The following PDE11A variants were observed in gnomAD, a reference collection of about 807,000 sequenced individuals.
PDE11A encodes the protein phosphodiesterase 11A.
Under a neutral mutation model 100.5 loss-of-function variants are expected in PDE11A, and 100 were observed. That is an observed-to-expected ratio of 1.00 (90% CI 0.85 to 1.18). The LOEUF (loss-of-function observed/expected upper bound fraction) is 1.18. Among genes scored for constraint, PDE11A ranks in the 50% most tolerant of loss-of-function variants. The pLI, the probability that PDE11A is intolerant of heterozygous loss-of-function variation, is 0.00. For missense variants in PDE11A, 1,141 were observed against 1,152.6 expected, an observed-to-expected ratio of 0.99 and a Z score of 0.15; for synonymous variants, 381 against 420.8, an observed-to-expected ratio of 0.91 and a Z score of 1.16.
In PDE11A at chr2:177,755,126, T is replaced by C. The variant is rs2082074438; in HGVS notation, c.1788+14197A>G. Among the ~76,000 whole-genome samples, 4 of 152,286 alleles carry C rather than the reference T, an allele frequency of 2.6e-5. No individual in the cohort carries two copies. In the South Asian group the frequency reaches 8.3e-4, roughly 32 times the overall value. ...TGAGATGACCTGATGGGCTAGTCAT[T>C]AGTGAGGAGTTCCTGGACCAATTTA... On this transcript the variant is annotated intron_variant, in intron 10 of 19. Coordinates refer to ENST00000286063, the MANE Select transcript of PDE11A (RefSeq NM_016953.4).
At chr2:178,062,426 G>A (rs988183570) in intron 1 of PDE11A, among the ~76,000 whole-genome samples, 2 of 151,948 alleles carry the variant, frequency 1.3e-5, no homozygotes, top group African/African-American at 4.8e-5. Flanking sequence ...GGAAGCAAAA[G>A]GAAAAAGAGG....
intron 10 of PDE11A, among the ~76,000 whole-genome samples, chr2:177,750,228 T>C (rs1386707384): frequency 1.3e-5 from 2 of 152,120 alleles, no homozygotes; most frequent in African/African-American, 4.8e-5. Flanking sequence ...GCAATATGAA[T>C]CTTTAGGAGC....
At chr2:178,029,687 T>C (rs1317206312) in intron 1 of PDE11A, among the ~76,000 whole-genome samples, 1 of 152,102 alleles carries the variant, frequency 6.6e-6, no homozygotes, top group Non-Finnish European at 1.5e-5. Flanking sequence ...GAAATATATA[T>C]TGAAGACAAT....
chr2:177,636,950 A>G (rs1184241074), intron 19 of PDE11A, among the ~76,000 whole-genome samples: 1 of 152,240 alleles, frequency 6.6e-6, no homozygotes, highest in Non-Finnish European at 1.5e-5. Context: ...AAAAGTAACT[A>G]GCTACAGTCT....
chr2:177,774,865 A>G (rs1488876172), intron 9 of PDE11A, among the ~76,000 whole-genome samples: 1 of 152,226 alleles, frequency 6.6e-6, no homozygotes, highest in African/African-American at 2.4e-5. Flanking sequence ...ATGATATGTC[A>G]CAAGGAGGAA....
chr2:178,072,225 G>C lies in PDE11A; in HGVS notation c.213C>G (p.Ser71Arg), dbSNP rs747338751. The change falls in exon 1 of 20, where the codon AGC becomes AGG. Residue 71 changes from serine to arginine, a missense_variant. Ser to Arg is a moderately radical substitution (Grantham distance 110). Coordinates refer to ENST00000286063, the MANE Select transcript of PDE11A (RefSeq NM_016953.4). ...CATTTGGTCCAGTGCCACCACCAAC[G>C]CTGCTGCCACCTCTGCAGGTGCTGT... ...LAHSTCRGGS[S>R]VGGGTGPNGS... 6.2e-6 allele frequency: 10 copies of C among 1,613,462 alleles called. No individual in the cohort carries two copies. Among genetic ancestry groups the C allele is most frequent in the Non-Finnish European group, 8.5e-6 (10 of 1,179,732 alleles).
intron 5 of PDE11A, among the ~76,000 whole-genome samples, chr2:177,846,994 GC>G (rs1402108107): frequency 6.6e-6 from 1 of 152,072 alleles, no homozygotes; most frequent in Non-Finnish European, 1.5e-5. Flanking sequence ...TTATCTGACA[GC>G]CCTCAAAATA....
intron 9 of PDE11A, among the ~76,000 whole-genome samples, chr2:177,791,581 C>T (rs2082633608): frequency 6.6e-6 from 1 of 150,838 alleles, no homozygotes; most frequent in Non-Finnish European, 1.5e-5. Context: ...CAAATGAGTC[C>T]AATGTATGAA....
chr2:177,912,717 G>T (rs2084900403), intron 2 of PDE11A, among the ~76,000 whole-genome samples: 1 of 151,882 alleles, frequency 6.6e-6, no homozygotes, highest in African/African-American at 2.4e-5. Context: ...CCATATTTCT[G>T]CCACTCAAGG....
chr2:177,699,131 T>G (rs1475495926), intron 14 of PDE11A, among the ~76,000 whole-genome samples: 1 of 152,194 alleles, frequency 6.6e-6, no homozygotes, highest in Admixed American at 6.5e-5. Context: ...ATCTCCTCAT[T>G]GTGTGAACAT....
At chr2:178,048,098 A>G (rs998649944) in intron 1 of PDE11A, among the ~76,000 whole-genome samples, 1 of 152,246 alleles carries the variant, frequency 6.6e-6, no homozygotes, top group Non-Finnish European at 1.5e-5. Flanking sequence ...AGCAGCTGGG[A>G]AGCAGTTTCA....
intron 2 of PDE11A, among the ~76,000 whole-genome samples, chr2:177,939,789 G>A (rs71423520): frequency 0.075 from 11,375 of 152,178 alleles, 428 homozygotes; most frequent in South Asian, 0.1. Context: ...GGCAAACCAG[G>A]ACAAGTTGGG....
intron 2 of PDE11A, among the ~76,000 whole-genome samples, chr2:178,003,913 T>A (rs940582280): frequency 3.3e-5 from 5 of 152,132 alleles, no homozygotes; most frequent in Admixed American, 6.6e-5. Context: ...AAGATGTCAA[T>A]ATTTGTAATT....
intron 2 of PDE11A, among the ~76,000 whole-genome samples, chr2:178,083,660 G>A (rs1289741386): frequency 4.6e-5 from 7 of 152,094 alleles, no homozygotes; most frequent in African/African-American, 7.2e-5. Flanking sequence ...ACCTTTGATT[G>A]GCTGTACAAC....
chr2:178,060,684 G>A (rs190759159), intron 1 of PDE11A, among the ~76,000 whole-genome samples: 6 of 152,224 alleles, frequency 3.9e-5, no homozygotes, highest in Non-Finnish European at 8.8e-5. Context: ...TTACTGTTAA[G>A]AAAACTGAGA....
rs1262168502 is a variant in PDE11A at position 177,704,341 on chromosome 2, G to A, written c.2154-3130C>T. Among the ~76,000 whole-genome samples the A allele has an allele frequency of 2.6e-5, 4 of 152,158 alleles. No individual in the cohort carries two copies. In the East Asian group the frequency reaches 7.7e-4, roughly 29 times the overall value. On this transcript the variant is annotated intron_variant, in intron 13 of 19. Coordinates refer to ENST00000286063, the MANE Select transcript of PDE11A (RefSeq NM_016953.4). ...TGGAGCATGGTACTAACTCAACTTT[G>A]AGGGGTTTTTTTAAAGTAAAACCAT...
chr2:177,852,849 G>T (rs1002399302), intron 5 of PDE11A, among the ~76,000 whole-genome samples: 1 of 152,134 alleles, frequency 6.6e-6, no homozygotes, highest in South Asian at 2.1e-4. Flanking sequence ...TAGTGGAGTC[G>T]CCTTTAATGT....
intron 1 of PDE11A, among the ~76,000 whole-genome samples, chr2:178,067,620 G>C (rs2087065124): frequency 6.6e-6 from 1 of 152,118 alleles, no homozygotes; most frequent in African/African-American, 2.4e-5. Flanking sequence ...CCTCCATGAA[G>C]TCTTTCATTA....
chr2:177,884,016 T>A (rs778559100), intron 4 of PDE11A, among the ~76,000 whole-genome samples: 1 of 152,204 alleles, frequency 6.6e-6, no homozygotes, highest in South Asian at 2.1e-4. Flanking sequence ...CAAACCCAAC[T>A]GGCAGCCAGA....
Sources: gnomAD v4.1 joint callset for allele counts (sites outside exome capture counted in the v4.1 genomes callset) on GRCh38, gnomAD v4.1.1 for gene constraint, MANE v1.5 for transcripts, NCBI Gene and HGNC (gene_info 2026-07-23, HGNC 2026-07-21) for gene names.